TTBK2: variants seen among roughly 807,000 people sequenced by gnomAD.
TTBK2 encodes the protein tau tubulin kinase 2.
TTBK2 carries 28 observed loss-of-function variants against 110.8 expected under a neutral mutation model. The ratio of observed to expected loss-of-function variants is 0.25; its 90% CI spans 0.19 to 0.35. The LOEUF is 0.35. Among genes scored for constraint, TTBK2 ranks in the 10% least tolerant of loss-of-function variants. The pLI, the probability that TTBK2 is intolerant of heterozygous loss-of-function variation, is 1.00. For synonymous variants in TTBK2, 532 were observed against 527.3 expected (o/e 1.01, Z -0.12); for missense variants, 1,369 against 1,500.3 (o/e 0.91, Z 1.45).
At chr15:42,873,685 T>C (rs1894702102) in intron 2 of TTBK2, among the ~76,000 whole-genome samples, 1 of 152,168 alleles carries the variant, frequency 6.6e-6, no homozygotes, top group South Asian at 2.1e-4. Context: ...AGGATGCTGG[T>C]GTGAGTATCA....
At chr15:42,849,177 T>C (rs929860114) in intron 3 of TTBK2, among the ~76,000 whole-genome samples, 9 of 152,138 alleles carry the variant, frequency 5.9e-5, no homozygotes, top group African/African-American at 2.2e-4. Flanking sequence ...TGTTTTTTCT[T>C]TGTTGTTCAG....
chr15:42,825,727 T>TAA (rs973658974), intron 6 of TTBK2, among the ~76,000 whole-genome samples: 2 of 152,106 alleles, frequency 1.3e-5, no homozygotes, highest in African/African-American at 4.8e-5. Flanking sequence ...AAAAATAAAA[T>TAA]AAAATAAAAT....
chr15:42,898,446 G>A (rs1895755379), intron 1 of TTBK2, among the ~76,000 whole-genome samples: 1 of 151,910 alleles, frequency 6.6e-6, no homozygotes, highest in Admixed American at 6.6e-5. Flanking sequence ...TCGGGAGGCA[G>A]AGGTTGCAGA....
chr15:42,844,160 G>C (rs1197251744), intron 3 of TTBK2, among the ~76,000 whole-genome samples: 2 of 152,170 alleles, frequency 1.3e-5, no homozygotes, highest in African/African-American at 4.8e-5. Flanking sequence ...AACCTGCTAG[G>C]CTGTAACAGT....
At chr15:42,890,050 AAAG>A (rs1465382195) in intron 1 of TTBK2, among the ~76,000 whole-genome samples, 1 of 152,188 alleles carries the variant, frequency 6.6e-6, no homozygotes, top group African/African-American at 2.4e-5. Context: ...AAGATCCACA[AAAG>A]AAGTGAAAAT....
chr15:42,798,694 C>A (rs546361949), intron 9 of TTBK2, among the ~76,000 whole-genome samples: 1 of 152,326 alleles, frequency 6.6e-6, no homozygotes, highest in Non-Finnish European at 1.5e-5. Flanking sequence ...TACTGTAAGG[C>A]TATTCCCAGA....
At chr15:42,872,474 T>G in intron 3 of TTBK2, 137 bp downstream of exon 3, 2 of 970,056 alleles carry the variant, frequency 2.1e-6, no homozygotes, top group Non-Finnish European at 3.1e-6. Flanking sequence ...AAGAGAAAAA[T>G]GCTCAGCGTA....
intron 3 of TTBK2, among the ~76,000 whole-genome samples, chr15:42,849,662 T>C (rs74009224): frequency 0.015 from 2,296 of 152,326 alleles, 54 homozygotes; most frequent in African/African-American, 0.053. Flanking sequence ...CTTCTGTAGG[T>C]TGTATTTCTA....
intron 1 of TTBK2, among the ~76,000 whole-genome samples, chr15:42,906,909 G>C (rs575238619): frequency 6.5e-4 from 98 of 151,796 alleles, no homozygotes; most frequent in African/African-American, 2.3e-3. Context: ...TTCGGGCCAA[G>C]AGCAGTGGCT....
rs764987590 is a variant in TTBK2, at chr15:42,783,665, G to A, written c.981-30C>T. On this transcript the variant is annotated intron_variant, in intron 10 of 14. Transcript: ENST00000267890. The stretch of plus-strand genomic sequence containing the variant: ...ATATGAAGGGAGAAAAAAAAGGCAA[G>A]AATCAAAAATTACTATGAGACTATC... 52 of 1,538,666 alleles carry A rather than the reference G, an allele frequency of 3.4e-5. No homozygotes were observed. The Admixed American group carries it at 3.9e-4, about 11-fold the overall frequency.
chr15:42,913,068 T>C (rs977503320), intron 1 of TTBK2, among the ~76,000 whole-genome samples: 2 of 133,390 alleles, frequency 1.5e-5, no homozygotes, highest in Non-Finnish European at 3.0e-5. Flanking sequence ...GAGCTTGCAG[T>C]GAGCCGAGAT....
intron 13 of TTBK2, among the ~76,000 whole-genome samples, chr15:42,763,182 A>G (rs1384977992): frequency 2.9e-4 from 6 of 20,998 alleles, no homozygotes; most frequent in South Asian, 1.7e-3. Context: ...ATATATATAT[A>G]TATATATATA....
At position 42,746,691 on chromosome 15, in the gene TTBK2, C is replaced by T. The variant is rs568783246; in HGVS notation, c.3273-434G>A. On this transcript the variant is annotated intron_variant, in intron 14 of 14. Coordinates refer to ENST00000267890, the MANE Select transcript of TTBK2 (RefSeq NM_173500.4). ...TGTTAGGACAGGAATCCTACAAACACGAAATCCCACAATGTAAGTGTTTTT... is the reference window on the plus strand; with the variant it reads ...TGTTAGGACAGGAATCCTACAAACATGAAATCCCACAATGTAAGTGTTTTT... Among the ~76,000 whole-genome samples, 13 of 152,108 alleles carry T rather than the reference C, an allele frequency of 8.5e-5. No individual in the cohort carries two copies. The South Asian group carries it at 1.2e-3, about 15-fold the overall frequency.
At chr15:42,770,090 C>T (rs529136045) in intron 13 of TTBK2, among the ~76,000 whole-genome samples, 6 of 128,234 alleles carry the variant, frequency 4.7e-5, no homozygotes, top group Non-Finnish European at 8.1e-5. Context: ...CATCACACAC[C>T]AGGGCCTGTC....
intron 10 of TTBK2, among the ~76,000 whole-genome samples, chr15:42,790,513 G>A (rs1220047517): frequency 2.0e-5 from 3 of 152,072 alleles, no homozygotes; most frequent in South Asian, 4.2e-4. Context: ...TCAAACTCCT[G>A]AGCTCAAAGT....
intron 1 of TTBK2, among the ~76,000 whole-genome samples, chr15:42,910,060 A>G (rs899930008): frequency 6.6e-6 from 1 of 152,174 alleles, no homozygotes; most frequent in African/African-American, 2.4e-5. Flanking sequence ...TGCTGACAAC[A>G]TTTTATTTAT....
chr15:42,794,700 G>T lies in TTBK2; in HGVS notation c.924C>A (p.Thr308=). 6.2e-7 allele frequency: 1 copy of T among 1,614,110 alleles called. No individual in the cohort carries two copies. The highest frequency in any genetic ancestry group is 1.7e-5 in the Admixed American group (1 of 60,022). ...ACTGAGGGGTGGTAGAAGTAGTGGT[G>T]GTTGTTAGGGAGCCATCATTTCCAG... ...EKTGNDGSLT[T]TTTSTTPQLH... is the part of the protein sequence containing the mutation. The change falls in exon 10 of 15, where the codon ACC becomes ACA. Residue 308 remains threonine, a synonymous_variant. Transcript: ENST00000267890.
intron 3 of TTBK2, among the ~76,000 whole-genome samples, chr15:42,856,557 T>C (rs1435020280): frequency 6.6e-6 from 1 of 152,174 alleles, no homozygotes; most frequent in Non-Finnish European, 1.5e-5. Context: ...GAGATGGTAT[T>C]GTAAAATAAC....
chr15:42,863,895 C>T (rs1894257868), intron 3 of TTBK2, among the ~76,000 whole-genome samples: 1 of 152,172 alleles, frequency 6.6e-6, no homozygotes, highest in Admixed American at 6.6e-5. Context: ...AAAATTGAAA[C>T]TAGACCCCTA....
Sources: allele counts gnomAD v4.1 joint callset (sites outside exome capture counted in the v4.1 genomes callset), GRCh38; gene constraint gnomAD v4.1.1; transcripts MANE v1.5; gene names NCBI Gene and HGNC (gene_info 2026-07-23, HGNC 2026-07-21).